Variants in FRMD4A observed in about 807,000 individuals in gnomAD.
The protein encoded by FRMD4A is FERM domain-containing protein 4A.
Under a neutral mutation model 129.1 loss-of-function variants are expected in FRMD4A, and 29 were observed. The ratio of observed to expected loss-of-function variants is 0.22; its 90% CI spans 0.17 to 0.31. The LOEUF is 0.31. Among genes scored for constraint, FRMD4A ranks in the 10% least tolerant of loss-of-function variants. The pLI is 1.00. For missense variants in FRMD4A, 1,272 were observed against 1,375.8 expected (o/e 0.92, Z 1.19); for synonymous variants, 634 against 571.6 (o/e 1.11, Z -1.56).
chr10:13,843,729 C>T (rs147211576), intron 3 of FRMD4A, among the ~76,000 whole-genome samples: 1 of 152,266 alleles, frequency 6.6e-6, no homozygotes, highest in East Asian at 1.9e-4. Context: ...AACTCCTGAC[C>T]TCAGGTGATC....
intron 2 of FRMD4A, among the ~76,000 whole-genome samples, chr10:14,238,321 T>G (rs916391082): frequency 6.6e-6 from 1 of 152,120 alleles, no homozygotes; most frequent in African/African-American, 2.4e-5. Flanking sequence ...ACTACATGAG[T>G]CCAGGTAATG....
At chr10:13,785,975 T>A (rs2092848645) in intron 5 of FRMD4A, among the ~76,000 whole-genome samples, 1 of 152,222 alleles carries the variant, frequency 6.6e-6, no homozygotes, top group Non-Finnish European at 1.5e-5. Context: ...GGCCGCATAG[T>A]ATTCCATGGT....
intron 2 of FRMD4A, among the ~76,000 whole-genome samples, chr10:14,240,047 G>T (rs553963783): frequency 2.0e-5 from 3 of 152,278 alleles, no homozygotes; most frequent in Admixed American, 6.5e-5. Flanking sequence ...TGCTCCGAAT[G>T]CATGCTCACC....
intron 2 of FRMD4A, among the ~76,000 whole-genome samples, chr10:13,924,451 C>G (rs1474481865): frequency 6.6e-6 from 1 of 151,856 alleles, no homozygotes; most frequent in Non-Finnish European, 1.5e-5. Context: ...ATGCTCCCAC[C>G]TCTAGGCCAC....
chr10:13,687,093 C>T (rs535986458), intron 15 of FRMD4A, among the ~76,000 whole-genome samples: 5 of 152,246 alleles, frequency 3.3e-5, no homozygotes, highest in Non-Finnish European at 5.9e-5. Flanking sequence ...GAGTTCGAGA[C>T]CATCCTGGCC....
intron 4 of FRMD4A, 47 bp downstream of exon 4, chr10:13,810,767 T>G (rs759909745): frequency 2.9e-6 from 3 of 1,025,518 alleles, no homozygotes; most frequent in Admixed American, 3.7e-5. Flanking sequence ...TTTCGGGTTC[T>G]GCACTGACTC....
intron 2 of FRMD4A, among the ~76,000 whole-genome samples, chr10:14,073,501 G>A (rs1376774031): frequency 1.3e-5 from 2 of 152,094 alleles, no homozygotes; most frequent in South Asian, 4.2e-4. Flanking sequence ...AGACACCAAG[G>A]ACCCTGGATA....
chr10:14,190,186 C>A (rs1313530124), intron 2 of FRMD4A, among the ~76,000 whole-genome samples: 2 of 152,170 alleles, frequency 1.3e-5, no homozygotes, highest in African/African-American at 4.8e-5. Flanking sequence ...ACAGTATGCC[C>A]TCGCCCTAGC....
At chr10:13,737,728 A>G (rs2135042741) in intron 12 of FRMD4A, 116 bp downstream of exon 12, 1 of 633,722 alleles carries the variant, frequency 1.6e-6, no homozygotes, top group Non-Finnish European at 2.9e-6. Flanking sequence ...CACTAAAATT[A>G]GCAGGAGATT....
chr10:14,236,857 T>C (rs1004192225), intron 2 of FRMD4A, among the ~76,000 whole-genome samples: 2 of 152,104 alleles, frequency 1.3e-5, no homozygotes, highest in African/African-American at 4.8e-5. Context: ...TGCTCCTGAG[T>C]GACCCTGGTT....
intron 15 of FRMD4A, chr10:13,692,702 A>T (rs998046251): frequency 2.6e-5 from 4 of 152,198 alleles, no homozygotes; most frequent in African/African-American, 9.7e-5. Flanking sequence ...CTAACGAGAC[A>T]ATTTTTAGCT....
Position 14,330,305 on chromosome 10 carries a change from A to AG in FRMD4A, c.-81-123dup, listed in dbSNP as rs1843467655. The AG allele has an allele frequency of 1.5e-5, 7 of 471,032 alleles. No individual in the cohort carries two copies. In the East Asian group the frequency reaches 1.7e-4, roughly 11 times the overall value. The allele number at this position is 471,032 out of a possible 1,614,324, so 29.2% of individuals were successfully genotyped here. A position where few individuals can be genotyped will look rare whatever the true frequency, so the allele number is the denominator to read the frequency against. On this transcript the variant is annotated intron_variant, in intron 1 of 24. Coordinates refer to ENST00000357447, the MANE Select transcript of FRMD4A (RefSeq NM_018027.5). ...GACAGGGTGGGAACTGTGCTTAGGG[A>AG]GGAAAAAAAAAAAAAGAAGAAGGAA...
At chr10:13,677,970 G>A (rs11258518) in intron 15 of FRMD4A, among the ~76,000 whole-genome samples, 9,999 of 152,120 alleles carry the variant, frequency 0.066, 429 homozygotes, top group Non-Finnish European at 0.11. Flanking sequence ...CTCTCAATAG[G>A]AAATAATGAT....
At chr10:13,768,080 A>ATATGTGTG (rs140898917) in intron 6 of FRMD4A, among the ~76,000 whole-genome samples, 2 of 149,988 alleles carry the variant, frequency 1.3e-5, no homozygotes, top group East Asian at 3.9e-4. Flanking sequence ...GTCTGCAGGT[A>ATATGTGTG]TGTGTGTGTG....
rs4748048 is a variant in FRMD4A at position 13,644,683 on chromosome 10, A to G, written c.*2355T>C. 85,241 of 152,046 alleles carry G rather than the reference A, an allele frequency of 0.56. 24,293 individuals are homozygous for G. The highest frequency in any genetic ancestry group is 0.79 in the East Asian group (4,084 of 5,174). 9.4% of individuals were successfully genotyped at this position (152,046 alleles called of 1,614,324 possible). ...ATGTAACCATGTAACCTCATCAGCT[A>G]CCTTTTCCCTTTTGACTTTTCCTGT... is the stretch of plus-strand genomic sequence containing the variant. On this transcript the variant is annotated 3_prime_UTR_variant, in exon 25 of 25. Transcript: ENST00000357447.
In FRMD4A at chr10:14,248,996, C is replaced by G. The variant is rs369086403; in HGVS notation, c.45+81062G>C. On this transcript the variant is annotated intron_variant, in intron 2 of 24. Coordinates refer to ENST00000357447, the MANE Select transcript of FRMD4A (RefSeq NM_018027.5). ...ATTTTGGTAAAATCACTTGCACCTA[C>G]GTTTTGACATACGTGATGACTTTAA... Among the ~76,000 whole-genome samples, 55 of 152,304 alleles carry G rather than the reference C, an allele frequency of 3.6e-4. No homozygotes were observed. In the South Asian group the frequency reaches 0.011, roughly 29 times the overall value.
At chr10:13,685,239 C>G in intron 15 of FRMD4A, 3 of 984,902 alleles carry the variant, frequency 3.0e-6, no homozygotes, top group Non-Finnish European at 2.4e-6. Flanking sequence ...GAAATTGAAG[C>G]TCTTTGAAAA....
At chr10:13,828,554 C>T (rs187453210) in intron 3 of FRMD4A, among the ~76,000 whole-genome samples, 777 of 59,606 alleles carry the variant, frequency 0.013, 12 homozygotes, top group African/African-American at 0.035. Flanking sequence ...TTTTTTGAGA[C>T]GGAGTTTCAC....
intron 12 of FRMD4A, among the ~76,000 whole-genome samples, chr10:13,730,571 C>G (rs1333718930): frequency 6.6e-6 from 1 of 152,162 alleles, no homozygotes; most frequent in African/African-American, 2.4e-5. Context: ...CTGACACTGT[C>G]TCATTGTCTC....
Sources: allele counts gnomAD v4.1 joint callset (sites outside exome capture counted in the v4.1 genomes callset), GRCh38; gene constraint gnomAD v4.1.1; transcripts MANE v1.5; gene names NCBI Gene and HGNC (gene_info 2026-07-23, HGNC 2026-07-21).